PIGX: variants seen among roughly 807,000 people sequenced by gnomAD.
PIGX encodes phosphatidylinositol glycan anchor biosynthesis class X, also known as GPI alpha-1,4-mannosyltransferase I, stabilizing subunit.
PIGX carries 24 observed loss-of-function variants against 28.7 expected under a neutral mutation model. That is an observed-to-expected ratio of 0.84 (90% confidence interval 0.60 to 1.17). The LOEUF (loss-of-function observed/expected upper bound fraction) is 1.17. Ranked by LOEUF, PIGX falls within the 50% of genes most tolerant of loss-of-function variation. The pLI, the probability that PIGX is intolerant of heterozygous loss-of-function variation, is 0.00. For synonymous variants in PIGX, 127 were observed against 121.0 expected, an observed-to-expected ratio of 1.05 and a Z score of -0.33; for missense variants, 305 against 317.8, an observed-to-expected ratio of 0.96 and a Z score of 0.31.
At chr3:196,728,995 A>G (rs1381142420) in intron 4 of PIGX, among the ~76,000 whole-genome samples, 1 of 152,138 alleles carries the variant, frequency 6.6e-6, no homozygotes, top group Non-Finnish European at 1.5e-5. Flanking sequence ...ATTTTGCTGC[A>G]TAATTGTCGT....
At chr3:196,730,379 T>C (rs911543848) in intron 4 of PIGX, among the ~76,000 whole-genome samples, 1 of 152,182 alleles carries the variant, frequency 6.6e-6, no homozygotes, top group African/African-American at 2.4e-5. Context: ...TTCACTTTTC[T>C]GAGTGATGCT....
chr3:196,719,299 C>A (rs1177277581), intron 2 of PIGX, among the ~76,000 whole-genome samples: 4 of 151,456 alleles, frequency 2.6e-5, no homozygotes, highest in Non-Finnish European at 4.4e-5. Context: ...TCTTTTCTTG[C>A]CTTATTTTGG....
intron 3 of PIGX, among the ~76,000 whole-genome samples, chr3:196,723,145 C>T (rs749706661): frequency 5.9e-5 from 9 of 152,144 alleles, no homozygotes; most frequent in Non-Finnish European, 1.2e-4. Flanking sequence ...AATTCGAAAC[C>T]AGCCTGGGCA....
At chr3:196,725,298 C>A (rs1383000415) in intron 3 of PIGX, among the ~76,000 whole-genome samples, 1 of 151,968 alleles carries the variant, frequency 6.6e-6, no homozygotes, top group Non-Finnish European at 1.5e-5. Context: ...AATTTAGTCT[C>A]TTACTTGAAA....
rs1015011296 is a variant in PIGX, at chr3:196,712,615, C to G, written c.83C>G (p.Ala28Gly). ...ACCGGGCTCACGCGCGGGCCCGCCG[C>G]GGCCTTCACCGCCGCGCGCTCTGAC... The change falls in exon 1 of 6, where the codon GCG becomes GGG. Residue 28 changes from alanine (A) to glycine (G), a missense_variant. Coordinates refer to ENST00000392391, the MANE Select transcript of PIGX (RefSeq NM_017861.4). 110 of 1,189,964 alleles carry G rather than the reference C, an allele frequency of 9.2e-5. No homozygotes were observed. The African/African-American group carries it at 1.6e-3, about 18-fold the overall frequency. 73.7% of individuals were successfully genotyped at this position (1,189,964 alleles called of 1,614,324 possible). A position where few individuals can be genotyped will look rare whatever the true frequency, so the allele number is the denominator to read the frequency against.
rs762962268 is a variant in PIGX at position 196,731,090 on chromosome 3, T to C, written c.631T>C (p.Ser211Pro). ...CCAATGGAACAAGATGAAGTATAAATCAGTAAGCTAATGTTTTATGTTGTT... is the reference window on the plus strand; with the variant it reads ...CCAATGGAACAAGATGAAGTATAAACCAGTAAGCTAATGTTTTATGTTGTT... The change falls in exon 5 of 6, where the codon TCA (serine) becomes CCA (proline). Residue 211 changes from serine (S) to proline (P), a missense_variant and splice_region_variant. Physicochemically the swap from Ser to Pro is moderately conservative, Grantham distance 74. Coordinates refer to ENST00000392391, the MANE Select transcript of PIGX (RefSeq NM_017861.4). 6.6e-7 allele frequency: 1 copy of C among 1,526,188 alleles called. No homozygotes were observed. The highest frequency in any genetic ancestry group is 1.1e-5 in the South Asian group (1 of 89,108). 94.5% of individuals were successfully genotyped at this position (1,526,188 alleles called of 1,614,324 possible). A position where few individuals can be genotyped will look rare whatever the true frequency, so the allele number is the denominator to read the frequency against.
intron 5 of PIGX, among the ~76,000 whole-genome samples, chr3:196,732,249 TATATATATTTTATTTTA>T (rs1712819660): frequency 2.8e-5 from 1 of 35,604 alleles, no homozygotes; most frequent in African/African-American, 1.6e-4. Flanking sequence ...TATATATATA[TATATATATTTTATTTTA>T]TTTTATTTTT....
At chr3:196,713,186 GT>G in intron 1 of PIGX, 1 of 686,942 alleles carries the variant, frequency 1.5e-6, no homozygotes, top group Non-Finnish European at 1.8e-6. Flanking sequence ...AAATGAGGAT[GT>G]TTCTGTCATC....
intron 3 of PIGX, among the ~76,000 whole-genome samples, chr3:196,723,310 C>T (rs959377650): frequency 6.6e-6 from 1 of 152,184 alleles, no homozygotes; most frequent in Non-Finnish European, 1.5e-5. Flanking sequence ...CATTGCACTC[C>T]AGCCTGGGTG....
rs1712597702 is a variant in PIGX at position 196,728,095 on chromosome 3, T to C, written c.491T>C (p.Ile164Thr). The C allele has an allele frequency of 6.2e-7, 1 of 1,614,152 alleles. No homozygotes were observed. The highest frequency in any genetic ancestry group is 8.5e-7 in the Non-Finnish European group (1 of 1,180,000). ...CACAGTGAAGATGGAGAAGCCTCGA[T>C]TGTGGTCAATAACCCAGATTTGTTG... Residue 164 changes from isoleucine (I) to threonine (T), a missense_variant, in exon 4 of 6, where the codon ATT (isoleucine) becomes ACT (threonine). Transcript: ENST00000392391.
Position 196,733,805 on chromosome 3 carries a change from A to C in PIGX, c.680A>C (p.His227Pro). 3 of 1,575,714 alleles carry C rather than the reference A, an allele frequency of 1.9e-6. No homozygotes were observed. Among genetic ancestry groups the C allele is most frequent in the Non-Finnish European group, 2.6e-6 (3 of 1,144,886 alleles). The change falls in exon 6 of 6, where the codon CAT (histidine) becomes CCT (proline). Residue 227 changes from histidine to proline, a missense_variant. Physicochemically the swap from His to Pro is moderately conservative, Grantham distance 77. Transcript: ENST00000392391. The surrounding 1 kb of genome is among the most constrained non-coding windows in gnomAD (Gnocchi z 4.3). ...CAAGTTCCAGTGGGACTGACTGTAC[A>C]TACCTCTCTAGTATGTTCTGTGACT...
At chr3:196,729,089 T>A (rs1037796355) in intron 4 of PIGX, among the ~76,000 whole-genome samples, 2 of 151,910 alleles carry the variant, frequency 1.3e-5, no homozygotes, top group African/African-American at 2.4e-5. Context: ...ACCCCAGCAC[T>A]TTGGGAGGCC....
intron 2 of PIGX, among the ~76,000 whole-genome samples, chr3:196,720,988 T>C (rs1052242757): frequency 1.3e-5 from 2 of 152,186 alleles, no homozygotes; most frequent in Non-Finnish European, 2.9e-5. Flanking sequence ...TCCATCATTA[T>C]TGATAGCTTT....
chr3:196,712,474 C>G lies in PIGX; in HGVS notation c.-59C>G. On this transcript the variant is annotated 5_prime_UTR_variant, in exon 1 of 6. Coordinates refer to ENST00000392391, the MANE Select transcript of PIGX (RefSeq NM_017861.4). ...GGTAGGAGCTGCGGGCGGCCAGGCC[C>G]CTTCCTGCGTCCGCACCTGGCCCCG... 1 of 838,268 alleles carries G rather than the reference C, an allele frequency of 1.2e-6. No homozygotes were observed. The highest frequency in any genetic ancestry group is 1.5e-6 in the Non-Finnish European group (1 of 652,142). 51.9% of individuals were successfully genotyped at this position (838,268 alleles called of 1,614,324 possible).
rs1712593829 is a variant in PIGX, at chr3:196,728,005, G to A, written c.401G>A (p.Arg134Gln). Reference sequence around the variant, plus strand: ...TCTGAAGTTCTCATTTATGCCAGACGAGATTCACAGTGCATTGACTGTTTT... The same window carrying A: ...TCTGAAGTTCTCATTTATGCCAGACAAGATTCACAGTGCATTGACTGTTTT... Residue 134 changes from arginine (R) to glutamine (Q), a missense_variant, in exon 4 of 6, where the codon CGA becomes CAA. Transcript: ENST00000392391. The A allele has an allele frequency of 1.2e-6, 2 of 1,613,862 alleles. No individual in the cohort carries two copies. Among genetic ancestry groups the A allele is most frequent in the South Asian group, 1.1e-5 (1 of 91,080 alleles).
chr3:196,715,854 C>G (rs1712075002), intron 1 of PIGX, among the ~76,000 whole-genome samples: 1 of 152,092 alleles, frequency 6.6e-6, no homozygotes, highest in African/African-American at 2.4e-5. Context: ...GAGATGGAGT[C>G]TTGCTATGTT....
intron 3 of PIGX, among the ~76,000 whole-genome samples, chr3:196,725,160 A>G (rs1305231255): frequency 6.6e-6 from 1 of 152,186 alleles, no homozygotes; most frequent in African/African-American, 2.4e-5. Flanking sequence ...GCAGTATAAT[A>G]TTAGATTGAA....
At chr3:196,717,038 C>T in intron 2 of PIGX, 117 bp downstream of exon 2, 1 of 623,602 alleles carries the variant, frequency 1.6e-6, no homozygotes, top group South Asian at 1.8e-5. Context: ...CGGTGGCTCT[C>T]ATCTGTAATC....
In PIGX at chr3:196,724,073, G is replaced by A. The variant is rs556280971; in HGVS notation, c.318+1517G>A. ...GTCTCTGTTGCCTAGGCTGGAGTGC[G>A]GTGGCACAATCTTGGCTCACTGAAA... On this transcript the variant is annotated intron_variant, in intron 3 of 5. Coordinates refer to ENST00000392391, the MANE Select transcript of PIGX (RefSeq NM_017861.4). Among the ~76,000 whole-genome samples, 102 of 148,658 alleles carry A rather than the reference G, an allele frequency of 6.9e-4. No individual in the cohort carries two copies. The Middle Eastern group carries it at 0.01, about 15-fold the overall frequency.
Sources: gnomAD v4.1 joint callset for allele counts (sites outside exome capture counted in the v4.1 genomes callset) on GRCh38, gnomAD v4.1.1 for gene constraint, Gnocchi (gnomAD v3.1) non-coding constraint, MANE v1.5 for transcripts, NCBI Gene and HGNC (gene_info 2026-07-23, HGNC 2026-07-21) for gene names.